CTNNA2: variants seen among roughly 807,000 people sequenced by gnomAD.
CTNNA2 encodes catenin alpha-2.
CTNNA2 carries 42 observed loss-of-function variants against 101.0 expected under a neutral mutation model. The observed-to-expected ratio is 0.42, with a 90% confidence interval of 0.32 to 0.54. The LOEUF (loss-of-function observed/expected upper bound fraction) is 0.54, where lower values mean the gene tolerates loss of function less well. Ranked by LOEUF, CTNNA2 falls within the 20% of genes least tolerant of loss-of-function variation. The pLI, the probability that CTNNA2 is intolerant of heterozygous loss-of-function variation, is 0.14. For synonymous variants in CTNNA2, 450 were observed against 456.4 expected (o/e 0.99, Z 0.18); for missense variants, 871 against 1,223.1 (o/e 0.71, Z 4.29).
At chr2:80,115,932 A>G (rs1701486409) in intron 7 of CTNNA2, among the ~76,000 whole-genome samples, 1 of 152,176 alleles carries the variant, frequency 6.6e-6, no homozygotes, top group African/African-American at 2.4e-5. Context: ...TTCTCTACCC[A>G]TATGGACTGG....
intron 9 of CTNNA2, among the ~76,000 whole-genome samples, chr2:80,543,691 C>T: frequency 6.6e-6 from 1 of 152,150 alleles, no homozygotes; most frequent in East Asian, 1.9e-4. Context: ...ATCTCCAGGC[C>T]TGTACTCTTC....
chr2:80,449,560 T>G (rs1683329741), intron 9 of CTNNA2, among the ~76,000 whole-genome samples: 2 of 152,200 alleles, frequency 1.3e-5, no homozygotes, highest in Admixed American at 1.3e-4. Context: ...AAACAGAGCC[T>G]CTGACTACAT....
intron 1 of CTNNA2, among the ~76,000 whole-genome samples, chr2:79,639,297 C>T (rs1680287653): frequency 6.6e-6 from 1 of 152,158 alleles, no homozygotes; most frequent in Non-Finnish European, 1.5e-5. Context: ...ACCACATCAC[C>T]TAACTGGAGC....
At chr2:79,796,786 T>C (rs2105278283) in intron 3 of CTNNA2, among the ~76,000 whole-genome samples, 1 of 152,274 alleles carries the variant, frequency 6.6e-6, no homozygotes, top group Admixed American at 6.5e-5. Context: ...GGAATGCAAA[T>C]GCAGATTTTT....
intron 18 of CTNNA2, among the ~76,000 whole-genome samples, chr2:80,634,645 C>T (rs975071211): frequency 3.3e-5 from 5 of 151,842 alleles, no homozygotes; most frequent in Admixed American, 6.6e-5. Context: ...TGAGAATAAA[C>T]GGGGTAAAGG....
At chr2:79,709,211 G>A (rs1289685559) in intron 2 of CTNNA2, among the ~76,000 whole-genome samples, 3 of 152,072 alleles carry the variant, frequency 2.0e-5, no homozygotes, top group Non-Finnish European at 4.4e-5. Context: ...TTTAAACCTA[G>A]CACCAGCAGA....
intron 7 of CTNNA2, among the ~76,000 whole-genome samples, chr2:80,194,834 T>C (rs1558891897): frequency 6.6e-6 from 1 of 151,472 alleles, no homozygotes; most frequent in Admixed American, 6.6e-5. Context: ...TATACATTTA[T>C]GTATGTGTGT....
intron 7 of CTNNA2, among the ~76,000 whole-genome samples, chr2:79,937,920 C>G (rs1235552664): frequency 6.6e-6 from 1 of 152,182 alleles, no homozygotes; most frequent in African/African-American, 2.4e-5. Context: ...ATTCCACATG[C>G]CTTTCGAGAT....
intron 2 of CTNNA2, among the ~76,000 whole-genome samples, chr2:79,740,383 C>T (rs542602184): frequency 2.6e-5 from 4 of 152,124 alleles, no homozygotes; most frequent in Non-Finnish European, 5.9e-5. Flanking sequence ...CATAGAAGAG[C>T]ATTGTTACAT....
At chr2:80,282,526 G>A (rs1674460936) in intron 7 of CTNNA2, among the ~76,000 whole-genome samples, 1 of 151,946 alleles carries the variant, frequency 6.6e-6, no homozygotes, top group African/African-American at 2.4e-5. Context: ...TCTCCTATAG[G>A]TATTATCCAG....
chr2:79,935,026 T>C (rs1319294318), intron 7 of CTNNA2, among the ~76,000 whole-genome samples: 1 of 152,208 alleles, frequency 6.6e-6, no homozygotes, highest in Non-Finnish European at 1.5e-5. Context: ...ATTTTTTTGA[T>C]GTTTGCCAGA....
chr2:79,820,836 A>C (rs1283118810), intron 3 of CTNNA2, among the ~76,000 whole-genome samples: 1 of 152,166 alleles, frequency 6.6e-6, no homozygotes. Flanking sequence ...TTCACATTCA[A>C]TATTTACCTC....
chr2:79,398,806 G>A (rs1678258504), intron 4 of CTNNA2, among the ~76,000 whole-genome samples: 1 of 150,816 alleles, frequency 6.6e-6, no homozygotes, highest in Non-Finnish European at 1.5e-5. Flanking sequence ...TAAAAATTCT[G>A]GAAAGTATGC....
intron 4 of CTNNA2, among the ~76,000 whole-genome samples, chr2:79,437,102 T>G (rs1475013313): frequency 1.3e-5 from 2 of 151,774 alleles, no homozygotes; most frequent in Non-Finnish European, 2.9e-5. Flanking sequence ...GGTATGGTGG[T>G]GTGTGCCTGT....
intron 4 of CTNNA2, among the ~76,000 whole-genome samples, chr2:79,377,931 T>C (rs1288976076): frequency 6.6e-6 from 1 of 152,172 alleles, no homozygotes; most frequent in East Asian, 1.9e-4. Flanking sequence ...AGCTTTAAAC[T>C]GCGGCAGGCT....
At chr2:80,127,085 T>G (rs2148888474) in intron 7 of CTNNA2, among the ~76,000 whole-genome samples, 1 of 152,298 alleles carries the variant, frequency 6.6e-6, no homozygotes, top group South Asian at 2.1e-4. Flanking sequence ...AGGACTAGGT[T>G]GCATTCTTTG....
chr2:79,502,542 T>C lies in CTNNA2; in HGVS notation c.-134-2512T>C, dbSNP rs546030632. ...GTACTAGAATCCTCAAAACTGTGAT[T>C]GAGGTGGTGAATATGAATACAGATG... is the stretch of plus-strand genomic sequence containing the variant. On this transcript the variant is annotated intron_variant, in intron 4 of 21. Transcript: ENST00000466387. 1.1e-4 allele frequency among the ~76,000 whole-genome samples: 17 copies of C among 152,282 alleles called. No homozygotes were observed. The South Asian group carries it at 3.5e-3, about 32-fold the overall frequency.
At chr2:80,015,308 C>T (rs896643870) in intron 7 of CTNNA2, among the ~76,000 whole-genome samples, 1 of 152,094 alleles carries the variant, frequency 6.6e-6, no homozygotes, top group African/African-American at 2.4e-5. Context: ...ATTAAACCAA[C>T]CCAATGCTAT....
chr2:80,163,475 TATG>T (rs2148949356), intron 7 of CTNNA2, among the ~76,000 whole-genome samples: 1 of 152,250 alleles, frequency 6.6e-6, no homozygotes, highest in South Asian at 2.1e-4. Flanking sequence ...ACACATTTTG[TATG>T]ATTTCAATTT....
Sources: gnomAD v4.1 joint callset for allele counts (sites outside exome capture counted in the v4.1 genomes callset) on GRCh38, gnomAD v4.1.1 for gene constraint, MANE v1.5 for transcripts, NCBI Gene and HGNC (gene_info 2026-07-23, HGNC 2026-07-21) for gene names.